FOXL3: variants seen among roughly 807,000 people sequenced by gnomAD.
FOXL3 encodes the protein forkhead box L3.
Under a neutral mutation model 10.9 loss-of-function variants are expected in FOXL3, and 16 were observed. The ratio of observed to expected loss-of-function variants is 1.46; its 90% CI spans 0.99 to 2.22. The LOEUF is 2.22. FOXL3 is among the 30% of genes most tolerant of loss of function. The probability of loss-of-function intolerance (pLI) is 0.00; values close to 1 mark genes in which losing one functional copy is unlikely to be tolerated. For synonymous variants in FOXL3, 170 were observed against 152.0 expected, an observed-to-expected ratio of 1.12 and a Z score of -0.87; for missense variants, 400 against 337.9, an observed-to-expected ratio of 1.18 and a Z score of -1.44.
At chr7:290,514 CG>C in intron 1 of FOXL3, 138 bp from the exon 2 acceptor site, 1 of 952,146 alleles carries the variant, frequency 1.1e-6, no homozygotes, top group Non-Finnish European at 1.5e-6. Flanking sequence ...TGGGTGGCGC[CG>C]GGGACCGCGA....
chr7:291,076 A>G lies in FOXL3; in HGVS notation c.290A>G (p.Glu97Gly). Residue 97 changes from glutamate to glycine, a missense_variant, in exon 3 of 3, where the codon GAG becomes GGG. Coordinates refer to ENST00000506382, the MANE Select transcript of FOXL3 (RefSeq NM_001374838.1). ...NSCFVKVPRS[E>G]GHEKGKGNYW... ...CCGCGCGCGCAGGTGCCGCGGTCCG[A>G]GGGCCACGAGAAGGGCAAAGGCAAC... 1 of 1,413,722 alleles carries G rather than the reference A, an allele frequency of 7.1e-7. No individual in the cohort carries two copies. The highest frequency in any genetic ancestry group is 1.4e-5 in the South Asian group (1 of 71,574). The allele number at this position is 1,413,722 out of a possible 1,614,324, so 87.6% of individuals were successfully genotyped here. A position where few individuals can be genotyped will look rare whatever the true frequency, so the allele number is the denominator to read the frequency against.
chr7:291,178 GGC>G lies in FOXL3; in HGVS notation c.396_397del (p.Gly133ProfsTer43). 1 of 1,266,592 alleles carries G rather than the reference GGC, an allele frequency of 7.9e-7. No individual in the cohort carries two copies. Among genetic ancestry groups the G allele is most frequent in the Non-Finnish European group, 9.9e-7 (1 of 1,005,708 alleles). 78.5% of individuals were successfully genotyped at this position (1,266,592 alleles called of 1,614,324 possible). A position where few individuals can be genotyped will look rare whatever the true frequency, so the allele number is the denominator to read the frequency against. On this transcript the variant is annotated frameshift_variant, in exon 3 of 3. Coordinates refer to ENST00000506382, the MANE Select transcript of FOXL3 (RefSeq NM_001374838.1). LOFTEE classifies it low-confidence loss of function (END_TRUNC). ...GGCAACTACCGGCGGCGGCGGCGGC[GGC>G]GCGGCCCCAAGCGCGAGGGGCCGAG...
In FOXL3 at chr7:290,767, C is replaced by G; in HGVS notation, c.222C>G (p.Arg74=). ...RKFPYYRANQ[R]AWQNSIRHNL... ...TCCCCTATTACCGCGCCAACCAGCGCGCCTGGCAGAACTCCATCCGCCACA... is the reference window on the plus strand; with the variant it reads ...TCCCCTATTACCGCGCCAACCAGCGGGCCTGGCAGAACTCCATCCGCCACA... Residue 74 remains arginine, a synonymous_variant, in exon 2 of 3, where the codon CGC becomes CGG. Transcript: ENST00000506382. The G allele has an allele frequency of 6.7e-7, 1 of 1,490,110 alleles. No homozygotes were observed. The highest frequency in any genetic ancestry group is 8.9e-7 in the Non-Finnish European group (1 of 1,123,974). 92.3% of individuals were successfully genotyped at this position (1,490,110 alleles called of 1,614,324 possible).
Position 290,824 on chromosome 7 carries a change from G to C in FOXL3, c.276+3G>C. The stretch of plus-strand genomic sequence containing the variant: ...CCCTCAACAGCTGCTTCGTCAAGGT[G>C]AGCGCCGCCCCCGACGGGCCCCGGG... On this transcript the variant is annotated splice_donor_region_variant and intron_variant, in intron 2 of 2. Coordinates refer to ENST00000506382, the MANE Select transcript of FOXL3 (RefSeq NM_001374838.1). 6.9e-7 allele frequency: 1 copy of C among 1,444,402 alleles called. No homozygotes were observed. The highest frequency in any genetic ancestry group is 1.6e-5 in the South Asian group (1 of 64,324). The allele number at this position is 1,444,402 out of a possible 1,614,324, so 89.5% of individuals were successfully genotyped here.
chr7:291,236 G>C lies in FOXL3; in HGVS notation c.450G>C (p.Pro150=). The C allele has an allele frequency of 8.6e-7, 1 of 1,162,382 alleles. No homozygotes were observed. Among genetic ancestry groups the C allele is most frequent in the Non-Finnish European group, 1.1e-6 (1 of 944,084 alleles). 72.0% of individuals were successfully genotyped at this position (1,162,382 alleles called of 1,614,324 possible). A position where few individuals can be genotyped will look rare whatever the true frequency, so the allele number is the denominator to read the frequency against. Reference sequence around the variant, plus strand: ...CGCGCGCGGGGGGCGCCCAGGGGCCGTCGGGTCCGTCCGAGCCGCCCGCCG... The same window carrying C: ...CGCGCGCGGGGGGCGCCCAGGGGCCCTCGGGTCCGTCCGAGCCGCCCGCCG... ...RGPRAGGAQG[P]SGPSEPPAAQ... The change falls in exon 3 of 3, where the codon CCG becomes CCC. Residue 150 remains proline (P), a synonymous_variant. Transcript: ENST00000506382.
chr7:290,287 G>A lies in FOXL3; in HGVS notation c.107+11G>A, dbSNP rs1778611195. On this transcript the variant is annotated intron_variant, in intron 1 of 2. Transcript: ENST00000506382. ...GCGGCCCGCGTACAGGTGACTGCGGGGGCGGTGCTGGGGCTTTGGGGGACA... is the reference window on the plus strand; with the variant it reads ...GCGGCCCGCGTACAGGTGACTGCGGAGGCGGTGCTGGGGCTTTGGGGGACA... The A allele has an allele frequency of 7.8e-6, 12 of 1,531,368 alleles. No individual in the cohort carries two copies. The highest frequency in any genetic ancestry group is 1.7e-4 in the Middle Eastern group (1 of 5,998). 94.9% of individuals were successfully genotyped at this position (1,531,368 alleles called of 1,614,324 possible).
rs1778645435 is a variant in FOXL3 at position 291,355 on chromosome 7, G to A, written c.569G>A (p.Arg190Gln). Residue 190 changes from arginine (R) to glutamine (Q), a missense_variant, in exon 3 of 3, where the codon CGG (arginine) becomes CAG (glutamine). Coordinates refer to ENST00000506382, the MANE Select transcript of FOXL3 (RefSeq NM_001374838.1). The stretch of plus-strand genomic sequence containing the variant: ...GCTCCCCCGGGGAAGGAGCACCCCC[G>A]GGACCTCAAGTTCAGCATCGACTAC... ...SPAPPGKEHP[R>Q]DLKFSIDYIL... 4 of 1,310,668 alleles carry A rather than the reference G, an allele frequency of 3.1e-6. No individual in the cohort carries two copies. Among genetic ancestry groups the A allele is most frequent in the South Asian group, 2.3e-5 (1 of 44,032 alleles). The allele number at this position is 1,310,668 out of a possible 1,614,324, so 81.2% of individuals were successfully genotyped here.
intron 2 of FOXL3, 34 bp from the exon 3 acceptor site, chr7:291,029 G>A (rs1442082084): frequency 1.5e-6 from 2 of 1,356,144 alleles, no homozygotes; most frequent in South Asian, 1.7e-5. Context: ...CCGTGCAGCG[G>A]AGCCGCTCCC....
chr7:290,291 G>T lies in FOXL3; in HGVS notation c.107+15G>T, dbSNP rs148152028. On this transcript the variant is annotated intron_variant, in intron 1 of 2. Coordinates refer to ENST00000506382, the MANE Select transcript of FOXL3 (RefSeq NM_001374838.1). ...CCCGCGTACAGGTGACTGCGGGGGC[G>T]GTGCTGGGGCTTTGGGGGACAGTGA... is the stretch of plus-strand genomic sequence containing the variant. 11 of 1,529,018 alleles carry T rather than the reference G, an allele frequency of 7.2e-6. No homozygotes were observed. The African/African-American group carries it at 9.6e-5, about 13-fold the overall frequency. 94.7% of individuals were successfully genotyped at this position (1,529,018 alleles called of 1,614,324 possible).
chr7:290,268 C>A lies in FOXL3; in HGVS notation c.99C>A (p.Pro33=). 6 of 1,535,716 alleles carry A rather than the reference C, an allele frequency of 3.9e-6. No individual in the cohort carries two copies. The highest frequency in any genetic ancestry group is 1.4e-5 in the African/African-American group (1 of 73,156). Residue 33 remains proline (P), a synonymous_variant, in exon 1 of 3, where the codon CCC becomes CCA. Transcript: ENST00000506382. ...ACGAAGACAAGAGGCTCACGCGGCC[C>A]GCGTACAGGTGACTGCGGGGGCGGT... ...SSDEDKRLTR[P]AYSYIALIAM... is the part of the protein sequence containing the mutation.
At position 290,637 on chromosome 7, in the gene FOXL3, C is replaced by T. The variant is rs1031837045; in HGVS notation, c.108-16C>T. ...GCTGCCCGGTGGAGACCCCGCCTGA[C>T]CCCCGGGCTCCGCAGCTACATCGCC... is the stretch of plus-strand genomic sequence containing the variant. On this transcript the variant is annotated splice_polypyrimidine_tract_variant and intron_variant, in intron 1 of 2. Transcript: ENST00000506382. 2.2e-5 allele frequency: 31 copies of T among 1,406,512 alleles called. No individual in the cohort carries two copies. Among genetic ancestry groups the T allele is most frequent in the Middle Eastern group, 1.8e-4 (1 of 5,448 alleles). 87.1% of individuals were successfully genotyped at this position (1,406,512 alleles called of 1,614,324 possible).
At chr7:290,359 C>A in intron 1 of FOXL3, 83 bp downstream of exon 1, 2 of 1,092,142 alleles carry the variant, frequency 1.8e-6, no homozygotes, top group Non-Finnish European at 2.7e-6. Context: ...CTGCCTGGGA[C>A]GAAGGAAGGG....
rs1292163131 is a variant in FOXL3 at position 291,207 on chromosome 7, G to C, written c.421G>C (p.Gly141Arg). 5.1e-6 allele frequency: 6 copies of C among 1,175,788 alleles called. No individual in the cohort carries two copies. In the African/African-American group the frequency reaches 9.8e-5, roughly 19 times the overall value. 72.8% of individuals were successfully genotyped at this position (1,175,788 alleles called of 1,614,324 possible). ...CGGCCCCAAGCGCGAGGGGCCGAGG[G>C]GTCCGCGCGCGGGGGGCGCCCAGGG... ...RRGPKREGPR[G>R]PRAGGAQGPS... is the part of the protein sequence containing the mutation. The change falls in exon 3 of 3, where the codon GGT becomes CGT. Residue 141 changes from glycine (G) to arginine (R), a missense_variant. Coordinates refer to ENST00000506382, the MANE Select transcript of FOXL3 (RefSeq NM_001374838.1).
chr7:290,375 G>C (rs894811747), intron 1 of FOXL3, 99 bp downstream of exon 1: 23 of 999,794 alleles, frequency 2.3e-5, no homozygotes, highest in Non-Finnish European at 3.2e-5. Context: ...AAGGGCGGGG[G>C]AGCTTTCTTC....
chr7:291,156 A>G lies in FOXL3; in HGVS notation c.370A>G (p.Asn124Asp). The change falls in exon 3 of 3, where the codon AAC becomes GAC. Residue 124 changes from asparagine (N) to aspartate (D), a missense_variant. Physicochemically the swap from Asn to Asp is conservative, Grantham distance 23 (BLOSUM62 1). Transcript: ENST00000506382. The stretch of plus-strand genomic sequence containing the variant: ...GCTGCTGGACCTCTTCGAGAACGGC[A>G]ACTACCGGCGGCGGCGGCGGCGGCG... The part of the protein sequence containing the change: ...ESLLDLFENG[N>D]YRRRRRRRGP... The G allele has an allele frequency of 7.6e-7, 1 of 1,314,416 alleles. No individual in the cohort carries two copies. The allele number at this position is 1,314,416 out of a possible 1,614,324, so 81.4% of individuals were successfully genotyped here. A position where few individuals can be genotyped will look rare whatever the true frequency, so the allele number is the denominator to read the frequency against.
intron 2 of FOXL3, 64 bp downstream of exon 2, chr7:290,885 G>A: frequency 7.5e-7 from 1 of 1,333,460 alleles, no homozygotes; most frequent in Non-Finnish European, 9.6e-7. Context: ...CAGGGCCTCG[G>A]TGGCGGGGAA....
Position 291,338 on chromosome 7 carries a change from G to A in FOXL3, c.552G>A (p.Pro184=). Residue 184 remains proline, a synonymous_variant, in exon 3 of 3, where the codon CCG becomes CCA. Coordinates refer to ENST00000506382, the MANE Select transcript of FOXL3 (RefSeq NM_001374838.1). ...AGCCCCCCGCCAGCCCCGCTCCCCC[G>A]GGGAAGGAGCACCCCCGGGACCTCA... ...GREPPASPAP[P]GKEHPRDLKF... 1 of 1,280,394 alleles carries A rather than the reference G, an allele frequency of 7.8e-7. No homozygotes were observed. The allele number at this position is 1,280,394 out of a possible 1,614,324, so 79.3% of individuals were successfully genotyped here.
chr7:290,689 C>T lies in FOXL3; in HGVS notation c.144C>T (p.Ser48=), dbSNP rs1462441061. 9 of 1,448,826 alleles carry T rather than the reference C, an allele frequency of 6.2e-6. No homozygotes were observed. The highest frequency in any genetic ancestry group is 8.1e-6 in the Non-Finnish European group (9 of 1,106,514). The allele number at this position is 1,448,826 out of a possible 1,614,324, so 89.7% of individuals were successfully genotyped here. ...IALIAMAIQQ[S]PAGRVTLSGI... ...TGATCGCCATGGCCATTCAGCAGAG[C>T]CCCGCGGGGAGGGTGACCCTGTCCG... Residue 48 remains serine (S), a synonymous_variant, in exon 2 of 3, where the codon AGC becomes AGT. Transcript: ENST00000506382.
At position 291,193 on chromosome 7, in the gene FOXL3, G is replaced by GCGAGGGGC; in HGVS notation, c.415_422dup (p.Pro142ArgfsTer?). On this transcript the variant is annotated frameshift_variant, in exon 3 of 3. Coordinates refer to ENST00000506382, the MANE Select transcript of FOXL3 (RefSeq NM_001374838.1). LOFTEE classifies it low-confidence loss of function (END_TRUNC). ...CGGCGGCGGCGGCGCGGCCCCAAGC[G>GCGAGGGGC]CGAGGGGCCGAGGGGTCCGCGCGCG... The GCGAGGGGC allele has an allele frequency of 2.4e-6, 3 of 1,232,570 alleles. No individual in the cohort carries two copies. The highest frequency in any genetic ancestry group is 3.0e-6 in the Non-Finnish European group (3 of 987,606). 76.4% of individuals were successfully genotyped at this position (1,232,570 alleles called of 1,614,324 possible). A position where few individuals can be genotyped will look rare whatever the true frequency, so the allele number is the denominator to read the frequency against.
Sources: allele counts gnomAD v4.1 joint callset, GRCh38; gene constraint gnomAD v4.1.1; transcripts MANE v1.5; gene names NCBI Gene and HGNC (gene_info 2026-07-23, HGNC 2026-07-21).